Variants in ZFHX3 observed in about 807,000 individuals in gnomAD.
ZFHX3 encodes zinc finger homeobox 3.
ZFHX3 carries 42 observed loss-of-function variants against 279.1 expected under a neutral mutation model. The ratio of observed to expected loss-of-function variants is 0.15; its 90% CI spans 0.12 to 0.19. The LOEUF (loss-of-function observed/expected upper bound fraction) is 0.19. Ranked by LOEUF, ZFHX3 falls within the 10% of genes least tolerant of loss-of-function variation. The pLI is 1.00. For missense variants in ZFHX3, 4,981 were observed against 4,754.0 expected (o/e 1.05, Z -1.40); for synonymous variants, 2,293 against 1,957.8 (o/e 1.17, Z -4.52).
intron 1 of ZFHX3, among the ~76,000 whole-genome samples, chr16:73,760,319 C>A (rs143070722): frequency 6.6e-6 from 1 of 151,982 alleles, no homozygotes; most frequent in East Asian, 1.9e-4. Flanking sequence ...CAAAAAATGC[C>A]GAGGACCAGA....
At chr16:72,995,209 G>A (rs1203827445) in intron 1 of ZFHX3, among the ~76,000 whole-genome samples, 2 of 152,146 alleles carry the variant, frequency 1.3e-5, no homozygotes, top group African/African-American at 4.8e-5. Flanking sequence ...TTATCCTTGA[G>A]GAAAATAATA....
chr16:73,244,303 G>A (rs777592094), intron 5 of ZFHX3, among the ~76,000 whole-genome samples: 2 of 152,240 alleles, frequency 1.3e-5, no homozygotes, highest in South Asian at 2.1e-4. Flanking sequence ...AGGGGTGGGC[G>A]GATTTGGGGT....
chr16:73,717,633 G>A (rs927480216), intron 1 of ZFHX3, among the ~76,000 whole-genome samples: 3 of 152,126 alleles, frequency 2.0e-5, no homozygotes, highest in South Asian at 2.1e-4. Context: ...GCTAGGCTCC[G>A]AGGAGGGTTG....
intron 8 of ZFHX3, chr16:73,092,937 A>G: frequency 1.9e-6 from 1 of 520,054 alleles, no homozygotes; most frequent in African/African-American, 1.9e-5. Context: ...GTTGCAGAGA[A>G]AAGCCAACCT....
intron 4 of ZFHX3, among the ~76,000 whole-genome samples, chr16:73,296,487 A>C (rs996535377): frequency 6.6e-6 from 1 of 152,200 alleles, no homozygotes; most frequent in Non-Finnish European, 1.5e-5. Flanking sequence ...ATGTGAATAC[A>C]ATTAGAAAAT....
chr16:73,071,358 C>T (rs552093126), intron 8 of ZFHX3, among the ~76,000 whole-genome samples: 11 of 152,092 alleles, frequency 7.2e-5, no homozygotes, highest in Middle Eastern at 6.8e-3. Context: ...CCAGGCTCCC[C>T]TGCCTTCCCC....
At chr16:72,902,704 A>G (rs1474527481) in intron 3 of ZFHX3, among the ~76,000 whole-genome samples, 1 of 152,108 alleles carries the variant, frequency 6.6e-6, no homozygotes. Flanking sequence ...CCCCTGGGGT[A>G]GAGGATCTCA....
chr16:73,655,949 T>A (rs1224046276), intron 2 of ZFHX3, among the ~76,000 whole-genome samples: 5 of 152,170 alleles, frequency 3.3e-5, no homozygotes, highest in South Asian at 4.1e-4. Flanking sequence ...TTTTGCAAAA[T>A]CCCTAACTGA....
intron 4 of ZFHX3, among the ~76,000 whole-genome samples, chr16:72,859,912 TA>T (rs2037842170): frequency 6.6e-6 from 1 of 152,274 alleles, no homozygotes; most frequent in South Asian, 2.1e-4. Flanking sequence ...CCCCAGGCCG[TA>T]AGACAGGCTA....
At chr16:73,437,634 C>A (rs1437128210) in intron 3 of ZFHX3, among the ~76,000 whole-genome samples, 2 of 152,140 alleles carry the variant, frequency 1.3e-5, no homozygotes, top group African/African-American at 4.8e-5. Flanking sequence ...TTACTTTTGA[C>A]ATTTACATTT....
At chr16:72,905,789 C>G (rs574082601) in intron 3 of ZFHX3, among the ~76,000 whole-genome samples, 182 of 152,342 alleles carry the variant, frequency 1.2e-3, no homozygotes, top group African/African-American at 4.3e-3. Flanking sequence ...CATAAGACAG[C>G]TTGTCTACAG....
chr16:72,928,087 A>G (rs1398426172), intron 3 of ZFHX3, among the ~76,000 whole-genome samples: 1 of 121,134 alleles, frequency 8.3e-6, no homozygotes, highest in Non-Finnish European at 1.7e-5. Context: ...AGGGTGCTCA[A>G]TGATGTGGAG....
chr16:72,967,300 G>A (rs2144495161), intron 1 of ZFHX3, among the ~76,000 whole-genome samples: 1 of 152,236 alleles, frequency 6.6e-6, no homozygotes, highest in Admixed American at 6.5e-5. Context: ...ATCTACTTGT[G>A]CTCAAAGAAT....
intron 2 of ZFHX3, among the ~76,000 whole-genome samples, chr16:73,586,731 C>A (rs1240877696): frequency 1.3e-5 from 2 of 152,040 alleles, no homozygotes; most frequent in Non-Finnish European, 1.5e-5. Context: ...GACAGAAGAT[C>A]AACAAATATA....
chr16:72,858,901 C>T (rs1339890008), intron 4 of ZFHX3, among the ~76,000 whole-genome samples: 2 of 152,200 alleles, frequency 1.3e-5, no homozygotes, highest in African/African-American at 2.4e-5. Context: ...AAACCAAACA[C>T]GGCAGCTTCA....
At chr16:72,860,494 G>A (rs534678336) in intron 4 of ZFHX3, among the ~76,000 whole-genome samples, 2 of 152,256 alleles carry the variant, frequency 1.3e-5, no homozygotes, top group East Asian at 1.9e-4. Context: ...GCAGTGGCAC[G>A]ATCTCAGCTC....
chr16:73,368,472 T>C (rs182974493), intron 3 of ZFHX3, among the ~76,000 whole-genome samples: 2 of 152,316 alleles, frequency 1.3e-5, no homozygotes, highest in Non-Finnish European at 2.9e-5. Flanking sequence ...AGCTTTATCA[T>C]GCTAAGGGTC....
intron 3 of ZFHX3, among the ~76,000 whole-genome samples, chr16:73,454,847 T>C (rs1597341859): frequency 6.6e-6 from 1 of 152,234 alleles, no homozygotes; most frequent in East Asian, 1.9e-4. Flanking sequence ...TTCAAGACTT[T>C]TCCATCATTT....
intron 3 of ZFHX3, among the ~76,000 whole-genome samples, chr16:72,932,004 A>G (rs1292421308): frequency 6.6e-6 from 1 of 152,176 alleles, no homozygotes; most frequent in Non-Finnish European, 1.5e-5. Flanking sequence ...TAAGCTGTGT[A>G]TTTCTAGATT....
Sources: gnomAD v4.1 joint callset for allele counts (sites outside exome capture counted in the v4.1 genomes callset) on GRCh38, gnomAD v4.1.1 for gene constraint, MANE v1.5 for transcripts, NCBI Gene and HGNC (gene_info 2026-07-23, HGNC 2026-07-21) for gene names.